Variants in FBXL18 observed in about 807,000 individuals in gnomAD.
FBXL18 encodes the protein F-box and leucine rich repeat protein 18.
In FBXL18, 36 loss-of-function variants were observed where a neutral mutation model predicts 46.0. The observed-to-expected ratio is 0.78, with a 90% confidence interval of 0.60 to 1.03. The LOEUF (loss-of-function observed/expected upper bound fraction) is 1.03. Ranked by LOEUF, FBXL18 falls within the 50% of genes least tolerant of loss-of-function variation. The pLI, the probability that FBXL18 is intolerant of heterozygous loss-of-function variation, is 0.00. For synonymous variants in FBXL18, 557 were observed against 465.3 expected (o/e 1.20, Z -2.54); for missense variants, 977 against 1,004.1 (o/e 0.97, Z 0.36).
intron 1 of FBXL18, among the ~76,000 whole-genome samples, 166 bp downstream of exon 1, chr7:5,513,491 C>T (rs1441879187): frequency 6.7e-6 from 1 of 149,730 alleles, no homozygotes; most frequent in African/African-American, 2.5e-5. Context: ...GGACAGGATG[C>T]GGGAAGGACG....
rs10253033 is a variant in FBXL18 at position 5,510,924 on chromosome 7, C to T, written c.18+2733G>A. 2.9e-3 allele frequency among the ~76,000 whole-genome samples: 436 copies of T among 152,234 alleles called. 3 individuals are homozygous for T. The highest frequency in any genetic ancestry group is 9.8e-3 in the African/African-American group (406 of 41,538). On this transcript the variant is annotated intron_variant, in intron 1 of 4. Transcript: ENST00000382368. ...GCTTACCAGGCACACTAGGAACCAC[C>T]GGCTATAATGACAACTTGAAAGTGG...
Position 5,496,717 on chromosome 7 carries a change from AC to A in FBXL18, c.1781+3770del, listed in dbSNP as rs1196629477. Among the ~76,000 whole-genome samples the A allele has an allele frequency of 6.6e-6, 1 of 152,158 alleles. No homozygotes were observed. The highest frequency in any genetic ancestry group is 1.5e-5 in the Non-Finnish European group (1 of 68,028). On this transcript the variant is annotated intron_variant, in intron 3 of 4. Coordinates refer to ENST00000382368, the MANE Select transcript of FBXL18 (RefSeq NM_024963.6). The surrounding 1 kb of genome is among the most constrained non-coding windows in gnomAD (Gnocchi z 4.8). The stretch of plus-strand genomic sequence containing the variant: ...GGCAACACAGCAAGACCCCGTCTCT[AC>A]AAAAAATACAAAAAACTAGCCAGGC...
intron 1 of FBXL18, among the ~76,000 whole-genome samples, chr7:5,506,666 C>T (rs549204628): frequency 4.0e-5 from 6 of 151,012 alleles, no homozygotes; most frequent in South Asian, 4.2e-4. Context: ...AGGAGATTTT[C>T]GTGCCTCAGC....
rs566784860 is a variant in FBXL18, at chr7:5,500,583, G to T, written c.1686C>A (p.Ser562=). 4.3e-6 allele frequency: 7 copies of T among 1,613,554 alleles called. No homozygotes were observed. In the South Asian group the frequency reaches 4.4e-5, roughly 10 times the overall value. ...TCATGCCCAGGTTGGCCAGCGACAGGGACCGCAACTGCTGGCACTGCAGGC... is the reference window on the plus strand; with the variant it reads ...TCATGCCCAGGTTGGCCAGCGACAGTGACCGCAACTGCTGGCACTGCAGGC... ...NIGLQCQQLR[S]LSLANLGMMG... is the part of the protein sequence containing the mutation. The change falls in exon 3 of 5, where the codon TCC becomes TCA. Residue 562 remains serine (S), a synonymous_variant. Coordinates refer to ENST00000382368, the MANE Select transcript of FBXL18 (RefSeq NM_024963.6).
downstream of FBXL18, among the ~76,000 whole-genome samples, chr7:5,471,980 C>T (rs901346220): frequency 3.3e-5 from 5 of 152,252 alleles, no homozygotes; most frequent in East Asian, 3.9e-4. Flanking sequence ...CCCACCTCCT[C>T]GGGAGGCTGG....
At chr7:5,473,803 C>G (rs80011993), downstream of FBXL18, among the ~76,000 whole-genome samples, 2 of 150,452 alleles carry the variant, frequency 1.3e-5, no homozygotes, top group Non-Finnish European at 3.0e-5. Context: ...AGATTTCACT[C>G]TTTTTTTAGG....
chr7:5,468,213 G>C (rs879321513), intron 4 of FBXL18, among the ~76,000 whole-genome samples: 4 of 152,110 alleles, frequency 2.6e-5, no homozygotes, highest in Non-Finnish European at 4.4e-5. Flanking sequence ...TCGATCTCCT[G>C]ACCTCGTGAT....
At chr7:5,508,854 T>C (rs1784458198) in intron 1 of FBXL18, among the ~76,000 whole-genome samples, 1 of 151,894 alleles carries the variant, frequency 6.6e-6, no homozygotes, top group South Asian at 2.1e-4. Flanking sequence ...AGAGCTCACG[T>C]GGTAAGAATG....
chr7:5,477,610 G>C lies in FBXL18; in HGVS notation c.*4165C>G, dbSNP rs1399424197. On this transcript the variant is annotated 3_prime_UTR_variant, in exon 5 of 5. Coordinates refer to ENST00000382368, the MANE Select transcript of FBXL18 (RefSeq NM_024963.6). This position sits in a 1 kb window ranked among gnomAD's most constrained non-coding sequence, Gnocchi z 4.4. ...CCAGCTACTCAGGAGGCTGATGTGG[G>C]AGAATCGCTTGAACCTGTGAGGTGG... Among the ~76,000 whole-genome samples the C allele has an allele frequency of 6.6e-6, 1 of 151,920 alleles. No individual in the cohort carries two copies. Among genetic ancestry groups the C allele is most frequent in the African/African-American group, 2.4e-5 (1 of 41,364 alleles).
intron 3 of FBXL18, among the ~76,000 whole-genome samples, chr7:5,498,323 T>C (rs1046145098): frequency 2.2e-4 from 33 of 152,142 alleles, no homozygotes; most frequent in Admixed American, 6.5e-4. Flanking sequence ...CCTGACCTTA[T>C]GATCCACCCG....
At chr7:5,498,181 G>A (rs1397645667) in intron 3 of FBXL18, among the ~76,000 whole-genome samples, 23 of 148,878 alleles carry the variant, frequency 1.5e-4, no homozygotes, top group Admixed American at 9.5e-4. Flanking sequence ...TCCGCCTCCC[G>A]GGTTCATGCC....
Position 5,500,753 on chromosome 7 carries a change from T to G in FBXL18, c.1516A>C (p.Ile506Leu). ...CTGCAGGGTGGGAGCGAGTTGCGGA[T>G]GGCGGGCTCGTTGCGGGGCATGGCG... is the stretch of plus-strand genomic sequence containing the variant. The part of the protein sequence containing the change: ...SSAMPRNEPA[I>L]RNSLPPCSRA... Residue 506 changes from isoleucine to leucine, a missense_variant, in exon 3 of 5, where the codon ATC (isoleucine) becomes CTC (leucine). By Grantham distance (5) the Ile-to-Leu change is conservative (BLOSUM62 2). Coordinates refer to ENST00000382368, the MANE Select transcript of FBXL18 (RefSeq NM_024963.6). 6.2e-7 allele frequency: 1 copy of G among 1,612,454 alleles called. No homozygotes were observed. Among genetic ancestry groups the G allele is most frequent in the Non-Finnish European group, 8.5e-7 (1 of 1,179,722 alleles).
intron 4 of FBXL18, among the ~76,000 whole-genome samples, chr7:5,465,283 C>T (rs1783325818): frequency 6.6e-6 from 1 of 151,386 alleles, no homozygotes; most frequent in Admixed American, 6.6e-5. Flanking sequence ...TTACTGCAAC[C>T]TCCGCCTCCC....
chr7:5,492,060 C>T (rs1027012354), intron 3 of FBXL18, among the ~76,000 whole-genome samples: 6 of 150,406 alleles, frequency 4.0e-5, no homozygotes, highest in African/African-American at 9.8e-5. Context: ...AGGAGGAGGC[C>T]GAGGGGAGTG....
intron 4 of FBXL18, chr7:5,489,228 G>A (rs1783850879): frequency 1.9e-6 from 1 of 518,670 alleles, no homozygotes; most frequent in Admixed American, 1.9e-5. Flanking sequence ...ACTCCACGGT[G>A]TAGTGTTACA....
At chr7:5,509,907 C>A (rs1358677687) in intron 1 of FBXL18, among the ~76,000 whole-genome samples, 1 of 151,792 alleles carries the variant, frequency 6.6e-6, no homozygotes, top group African/African-American at 2.4e-5. Context: ...GCTGGGCGGG[C>A]GAGTTGAGTC....
Position 5,481,656 on chromosome 7 carries a change from G to C in FBXL18, c.*119C>G, listed in dbSNP as rs920462759. 9.5e-7 allele frequency: 1 copy of C among 1,057,620 alleles called. No homozygotes were observed. The highest frequency in any genetic ancestry group is 1.4e-5 in the South Asian group (1 of 69,482). The allele number at this position is 1,057,620 out of a possible 1,614,324, so 65.5% of individuals were successfully genotyped here. The stretch of plus-strand genomic sequence containing the variant: ...CGCCGGGAGCCCCAGGAGCCAGGTG[G>C]GGCGTGGCTGGCCGGGAGAGAGGCC... On this transcript the variant is annotated 3_prime_UTR_variant, in exon 5 of 5. Coordinates refer to ENST00000382368, the MANE Select transcript of FBXL18 (RefSeq NM_024963.6).
At chr7:5,506,137 T>C (rs1056679513) in intron 1 of FBXL18, among the ~76,000 whole-genome samples, 3 of 152,102 alleles carry the variant, frequency 2.0e-5, no homozygotes, top group Non-Finnish European at 4.4e-5. Flanking sequence ...GGGTGTTTTG[T>C]TATAATAGAG....
chr7:5,484,683 G>T (rs1013775858), intron 4 of FBXL18, among the ~76,000 whole-genome samples: 1 of 142,882 alleles, frequency 7.0e-6, no homozygotes, highest in Non-Finnish European at 1.5e-5. Flanking sequence ...CTGTCGCCCC[G>T]GCTGGAGTGC....
Sources: allele counts gnomAD v4.1 joint callset (sites outside exome capture counted in the v4.1 genomes callset), GRCh38; gene constraint gnomAD v4.1.1; non-coding constraint Gnocchi (gnomAD v3.1); transcripts MANE v1.5; gene names NCBI Gene and HGNC (gene_info 2026-07-23, HGNC 2026-07-21).